ZNF506: variants seen among roughly 807,000 people sequenced by gnomAD.
ZNF506 encodes zinc finger protein 506.
In ZNF506, 10 loss-of-function variants were observed where a neutral mutation model predicts 11.6. The observed-to-expected ratio is 0.86, with a 90% CI of 0.53 to 1.46. The LOEUF is 1.46. ZNF506 is among the 40% of genes most tolerant of loss of function. The pLI is 0.00. For missense variants in ZNF506, 425 were observed against 521.2 expected (o/e 0.82, Z 1.80); for synonymous variants, 156 against 173.3 (o/e 0.90, Z 0.78).
At position 19,815,053 on chromosome 19, in the gene ZNF506, C is replaced by T. The variant is rs150352990; in HGVS notation, c.3+6548G>A. 5.8e-3 allele frequency among the ~76,000 whole-genome samples: 889 copies of T among 152,132 alleles called. 10 individuals are homozygous for T. The highest frequency in any genetic ancestry group is 0.021 in the African/African-American group (852 of 41,516). On this transcript the variant is annotated intron_variant, in intron 1 of 3. Transcript: ENST00000540806. ...CAGGAGGATCACGAGGTCAGGAGAT[C>T]GAGACCATCCTGGCTAACATGGTGA... is the stretch of plus-strand genomic sequence containing the variant.
At chr19:19,795,684 T>C in intron 3 of ZNF506, 24 bp from the exon 4 acceptor site, 1 of 1,481,286 alleles carries the variant, frequency 6.8e-7, no homozygotes, top group South Asian at 1.5e-5. Flanking sequence ...TAAAAACACA[T>C]GACTTCAATT....
At chr19:19,815,492 C>T (rs1211555009) in intron 1 of ZNF506, among the ~76,000 whole-genome samples, 2 of 152,144 alleles carry the variant, frequency 1.3e-5, no homozygotes, top group African/African-American at 2.4e-5. Flanking sequence ...CACAGGACAA[C>T]GGGCAGTGTG....
At position 19,806,091 on chromosome 19, in the gene ZNF506, G is replaced by A; in HGVS notation, c.166C>T (p.Leu56=). The change falls in exon 3 of 4, where the codon CTG becomes TTG. Residue 56 remains leucine (L), a synonymous_variant. Transcript: ENST00000540806. ...GTTAAAGGTTTTTTTCCTTGCTCCAGACAGGTGATCAGGTTTGGTTTAGAG... is the reference window on the plus strand; with the variant it reads ...GTTAAAGGTTTTTTTCCTTGCTCCAAACAGGTGATCAGGTTTGGTTTAGAG... ...VVSKPNLITC[L]EQGKKPLTMK... is the part of the protein sequence containing the mutation. 6.2e-7 allele frequency: 1 copy of A among 1,607,456 alleles called. No homozygotes were observed. The highest frequency in any genetic ancestry group is 8.5e-7 in the Non-Finnish European group (1 of 1,178,204).
At chr19:19,808,675 T>C (rs2145193904) in intron 1 of ZNF506, among the ~76,000 whole-genome samples, 1 of 151,088 alleles carries the variant, frequency 6.6e-6, no homozygotes, top group African/African-American at 2.4e-5. Context: ...TGAAACCTCA[T>C]CTCTACAAAA....
In ZNF506 at chr19:19,794,778, T is replaced by C; in HGVS notation, c.1109A>G (p.Lys370Arg). Residue 370 changes from lysine (K) to arginine (R), a missense_variant, in exon 4 of 4, where the codon AAG becomes AGG. Physicochemically the swap from Lys to Arg is conservative, Grantham distance 26 (BLOSUM62 2). Around this residue, in one of 3 missense-constraint regions of ZNF506, gnomAD observed 192 missense variants for 215.7 expected, o/e 0.89. Coordinates refer to ENST00000540806, the MANE Select transcript of ZNF506 (RefSeq NM_001099269.3). ...AAAGGCTTTGCCACATTCTTCACAC[T>C]TGTAGGGTTTCTCTCCAGTATGAGC... ...KRAHTGEKPY[K>R]CEECGKAFTA... 6.2e-7 allele frequency: 1 copy of C among 1,613,984 alleles called. No homozygotes were observed. The highest frequency in any genetic ancestry group is 8.5e-7 in the Non-Finnish European group (1 of 1,179,954).
intron 1 of ZNF506, among the ~76,000 whole-genome samples, chr19:19,818,076 C>CA (rs2062947007): frequency 6.6e-6 from 1 of 152,064 alleles, no homozygotes; most frequent in African/African-American, 2.4e-5. Flanking sequence ...GATCAACCCC[C>CA]CTCGGCCTCC....
chr19:19,815,435 T>C (rs2062922636), intron 1 of ZNF506, among the ~76,000 whole-genome samples: 1 of 152,092 alleles, frequency 6.6e-6, no homozygotes. Context: ...AGAGCTTCTT[T>C]CCTCTACATT....
intron 3 of ZNF506, chr19:19,796,395 TTTTTA>T (rs2062741677): frequency 6.6e-6 from 1 of 151,794 alleles, no homozygotes; most frequent in Non-Finnish European, 1.5e-5. Flanking sequence ...TTATTTTTAT[TTTTTA>T]TTTTATTTAT....
chr19:19,813,493 T>C (rs993341429), intron 1 of ZNF506, among the ~76,000 whole-genome samples: 13 of 152,200 alleles, frequency 8.5e-5, no homozygotes, highest in African/African-American at 2.9e-4. Context: ...AGCAGTGTGG[T>C]GATTCCTCAG....
chr19:19,814,549 A>T (rs1427648916), intron 1 of ZNF506, among the ~76,000 whole-genome samples: 1 of 152,108 alleles, frequency 6.6e-6, no homozygotes, highest in Non-Finnish European at 1.5e-5. Context: ...TTGAGGGTGG[A>T]GGATGGAAGG....
intron 1 of ZNF506, among the ~76,000 whole-genome samples, chr19:19,807,752 G>A (rs978984767): frequency 6.6e-6 from 1 of 151,972 alleles, no homozygotes; most frequent in Non-Finnish European, 1.5e-5. Flanking sequence ...CAGGTGATCC[G>A]CTGCTTCAGC....
intron 1 of ZNF506, among the ~76,000 whole-genome samples, chr19:19,810,140 A>G (rs1434411560): frequency 6.6e-6 from 1 of 152,210 alleles, no homozygotes; most frequent in African/African-American, 2.4e-5. Context: ...GGTGTTTTAA[A>G]CAAGTTCCCT....
At chr19:19,810,958 A>G (rs1226142626) in intron 1 of ZNF506, among the ~76,000 whole-genome samples, 1 of 152,184 alleles carries the variant, frequency 6.6e-6, no homozygotes, top group African/African-American at 2.4e-5. Flanking sequence ...GAATCTGAAT[A>G]GGTCTGGGGC....
intron 2 of ZNF506, among the ~76,000 whole-genome samples, chr19:19,806,646 G>A (rs2062837746): frequency 6.6e-6 from 1 of 152,078 alleles, no homozygotes; most frequent in Non-Finnish European, 1.5e-5. Flanking sequence ...AAAAATTGGT[G>A]GTGGCAATTA....
At chr19:19,815,073 T>G (rs908099171) in intron 1 of ZNF506, among the ~76,000 whole-genome samples, 6 of 151,856 alleles carry the variant, frequency 4.0e-5, no homozygotes, top group Non-Finnish European at 4.4e-5. Flanking sequence ...CTGGCTAACA[T>G]GGTGAAACCC....
At chr19:19,821,468 G>C (rs144341144) in intron 1 of ZNF506, 133 bp downstream of exon 1, 3 of 1,222,332 alleles carry the variant, frequency 2.5e-6, no homozygotes, top group Non-Finnish European at 3.6e-6. Flanking sequence ...TGGGCAATGA[G>C]AACTTGGAGC....
At chr19:19,799,659 A>G (rs2145177635) in intron 3 of ZNF506, among the ~76,000 whole-genome samples, 1 of 152,342 alleles carries the variant, frequency 6.6e-6, no homozygotes, top group South Asian at 2.1e-4. Context: ...CTGTTACCCC[A>G]GCACTTTGGG....
At chr19:19,810,122 C>T (rs748239290) in intron 1 of ZNF506, among the ~76,000 whole-genome samples, 3 of 152,210 alleles carry the variant, frequency 2.0e-5, no homozygotes, top group Non-Finnish European at 4.4e-5. Context: ...GAAAAGGGTC[C>T]ATGAATGGGT....
chr19:19,808,515 A>G (rs188420693), intron 1 of ZNF506, among the ~76,000 whole-genome samples: 9 of 151,874 alleles, frequency 5.9e-5, no homozygotes, highest in Admixed American at 2.0e-4. Context: ...ACTCCCCCCA[A>G]AAAAGTAAAT....
Sources: allele counts gnomAD v4.1 joint callset (sites outside exome capture counted in the v4.1 genomes callset), GRCh38; gene constraint gnomAD v4.1.1; regional missense constraint gnomAD v4.1.1; transcripts MANE v1.5; gene names NCBI Gene and HGNC (gene_info 2026-07-23, HGNC 2026-07-21).